The following CPED1 variants were observed in gnomAD, a reference collection of about 807,000 sequenced individuals.
CPED1 encodes the protein cadherin-like and PC-esterase domain-containing protein 1.
A neutral mutation model predicts 128.2 loss-of-function variants in CPED1; 114 were observed. The ratio of observed to expected loss-of-function variants is 0.89; its 90% confidence interval spans 0.76 to 1.04. The LOEUF (loss-of-function observed/expected upper bound fraction) is 1.04, where lower values mean the gene tolerates loss of function less well. CPED1 is among the 50% of genes least tolerant of loss of function. CPED1 has a pLI of 0.00. For synonymous variants in CPED1, 462 were observed against 426.7 expected (o/e 1.08, Z -1.02); for missense variants, 1,211 against 1,207.1 (o/e 1.00, Z -0.05).
At chr7:121,015,597 A>G in intron 2 of CPED1, 68 bp from the exon 3 acceptor site, 1 of 1,386,278 alleles carries the variant, frequency 7.2e-7, no homozygotes. Flanking sequence ...CTTGATTTGC[A>G]TTCATGATGT....
At chr7:121,115,433 T>C (rs1162415820) in intron 7 of CPED1, among the ~76,000 whole-genome samples, 5 of 152,186 alleles carry the variant, frequency 3.3e-5, no homozygotes, top group Non-Finnish European at 7.4e-5. Context: ...TTCTTTATTG[T>C]ACAACCAGAA....
chr7:121,266,614 G>T, intron 19 of CPED1, 93 bp from the exon 20 acceptor site: 1 of 1,186,756 alleles, frequency 8.4e-7, no homozygotes, highest in South Asian at 1.3e-5. Flanking sequence ...TTATGATCAA[G>T]ATGCCAGATA....
At chr7:121,129,468 C>T (rs865842515) in intron 11 of CPED1, among the ~76,000 whole-genome samples, 3 of 150,546 alleles carry the variant, frequency 2.0e-5, no homozygotes, top group Middle Eastern at 3.2e-3. Context: ...AGCTAATTTC[C>T]CCAAAGATAA....
chr7:121,012,953 C>T (rs1295023954), intron 2 of CPED1, among the ~76,000 whole-genome samples: 1 of 152,192 alleles, frequency 6.6e-6, no homozygotes, highest in Non-Finnish European at 1.5e-5. Context: ...AAAATAAAAA[C>T]TACTCAAAGT....
intron 4 of CPED1, 68 bp from the exon 5 acceptor site, chr7:121,064,170 T>G: frequency 9.5e-7 from 1 of 1,054,852 alleles, no homozygotes; most frequent in South Asian, 1.3e-5. Flanking sequence ...GGGTTTTTTG[T>G]GTTTGCTTGG....
At chr7:121,222,754 G>C (rs1797912096) in intron 16 of CPED1, among the ~76,000 whole-genome samples, 1 of 152,142 alleles carries the variant, frequency 6.6e-6, no homozygotes, top group Non-Finnish European at 1.5e-5. Flanking sequence ...TTGGCTCTCT[G>C]TTTGTCTGTT....
intron 22 of CPED1, among the ~76,000 whole-genome samples, chr7:121,289,138 A>C (rs1792641914): frequency 6.6e-6 from 1 of 152,110 alleles, no homozygotes; most frequent in Non-Finnish European, 1.5e-5. Context: ...ACTACAATCC[A>C]CAGGGATTCC....
rs573775637 is a variant in CPED1 at position 121,000,160 on chromosome 7, C to T, written c.249+10290C>T. 2.0e-5 allele frequency among the ~76,000 whole-genome samples: 3 copies of T among 152,022 alleles called. No homozygotes were observed. The South Asian group carries it at 6.2e-4, about 32-fold the overall frequency. On this transcript the variant is annotated intron_variant, in intron 2 of 22. Coordinates refer to ENST00000310396, the MANE Select transcript of CPED1 (RefSeq NM_024913.5). ...AAAGGAATGTTTTGGTTTCGTTTTC[C>T]CCCTTGGCTTCCTTTAGATATTTTT...
chr7:121,134,264 T>A (rs1795738471), intron 13 of CPED1, among the ~76,000 whole-genome samples: 3 of 152,144 alleles, frequency 2.0e-5, no homozygotes, highest in African/African-American at 7.2e-5. Flanking sequence ...GAGAAAGAAA[T>A]CCTGTTGTTT....
intron 16 of CPED1, among the ~76,000 whole-genome samples, chr7:121,204,429 A>G (rs1797471882): frequency 6.6e-6 from 1 of 152,124 alleles, no homozygotes; most frequent in African/African-American, 2.4e-5. Flanking sequence ...GAAATTGTAT[A>G]CAAGTATATT....
intron 11 of CPED1, among the ~76,000 whole-genome samples, chr7:121,129,914 A>G (rs1336819273): frequency 6.6e-6 from 1 of 151,566 alleles, no homozygotes. Flanking sequence ...AACTCACCCT[A>G]TTTGGAAATA....
chr7:121,228,037 C>T (rs1397951461), intron 16 of CPED1, among the ~76,000 whole-genome samples: 1 of 151,990 alleles, frequency 6.6e-6, no homozygotes, highest in Non-Finnish European at 1.5e-5. Context: ...ATCCCAGAAA[C>T]TGTAAAAATA....
chr7:121,069,920 T>C (rs1793945744), intron 5 of CPED1, among the ~76,000 whole-genome samples: 2 of 152,072 alleles, frequency 1.3e-5, no homozygotes. Flanking sequence ...TTTTTGGCCA[T>C]AACTCATTCA....
Position 120,989,684 on chromosome 7 carries a change from C to A in CPED1, c.63C>A (p.Gly21=). 6.2e-7 allele frequency: 1 copy of A among 1,614,016 alleles called. No homozygotes were observed. The change falls in exon 2 of 23, where the codon GGC becomes GGA. Residue 21 remains glycine, a synonymous_variant. Coordinates refer to ENST00000310396, the MANE Select transcript of CPED1 (RefSeq NM_024913.5). ...TTTGCCCCCGACCCTTCTTGGTGGG[C>A]TTAGTGGTGGCAATCTGTCTCTTCT... is the stretch of plus-strand genomic sequence containing the variant. ...RRFCPRPFLV[G]LVVAICLFYQ...
intron 2 of CPED1, among the ~76,000 whole-genome samples, chr7:121,003,504 A>G (rs1791920981): frequency 6.6e-6 from 1 of 152,138 alleles, no homozygotes; most frequent in African/African-American, 2.4e-5. Context: ...ATATTTGGGA[A>G]TTTTAGATAT....
chr7:120,994,283 T>A (rs758464325), intron 2 of CPED1, among the ~76,000 whole-genome samples: 35 of 152,140 alleles, frequency 2.3e-4, no homozygotes, highest in Non-Finnish European at 2.6e-4. Context: ...TAAAAAAAAA[T>A]CCCCTACAGA....
At chr7:121,291,311 TA>T (rs1336669117) in intron 22 of CPED1, among the ~76,000 whole-genome samples, 3 of 152,214 alleles carry the variant, frequency 2.0e-5, no homozygotes, top group Admixed American at 6.5e-5. Flanking sequence ...ATATGAAATT[TA>T]AAGTAGTTTT....
intron 2 of CPED1, among the ~76,000 whole-genome samples, chr7:121,006,170 G>T (rs763902656): frequency 6.6e-6 from 1 of 152,128 alleles, no homozygotes; most frequent in Non-Finnish European, 1.5e-5. Flanking sequence ...AGGCTGAATT[G>T]CTGAATTAAC....
chr7:121,149,051 G>A (rs986058289), intron 16 of CPED1, among the ~76,000 whole-genome samples: 5 of 152,118 alleles, frequency 3.3e-5, no homozygotes, highest in Admixed American at 6.6e-5. Context: ...GGCTGTCGGC[G>A]TTCTTTCAAG....
Sources: gnomAD v4.1 joint callset for allele counts (sites outside exome capture counted in the v4.1 genomes callset) on GRCh38, gnomAD v4.1.1 for gene constraint, MANE v1.5 for transcripts, NCBI Gene and HGNC (gene_info 2026-07-23, HGNC 2026-07-21) for gene names.